The following LRPPRC variants were observed in gnomAD, a reference collection of about 807,000 sequenced individuals.
The protein encoded by LRPPRC is leucine-rich PPR motif-containing protein, mitochondrial.
A neutral mutation model predicts 180.3 loss-of-function variants in LRPPRC; 120 were observed. That is an observed-to-expected ratio of 0.67 (90% CI 0.57 to 0.77). LRPPRC has a LOEUF of 0.77. Ranked by LOEUF, LRPPRC falls within the 30% of genes least tolerant of loss-of-function variation. LRPPRC has a pLI of 0.00. For missense variants in LRPPRC, 2,012 were observed against 1,657.2 expected, an observed-to-expected ratio of 1.21 and a Z score of -3.72; for synonymous variants, 723 against 600.0, an observed-to-expected ratio of 1.21 and a Z score of -3.00.
At chr2:43,964,791 G>T (rs1673486367) in intron 11 of LRPPRC, among the ~76,000 whole-genome samples, 1 of 151,834 alleles carries the variant, frequency 6.6e-6, no homozygotes, top group Non-Finnish European at 1.5e-5. Context: ...CCTAATACTG[G>T]CCTAAAAACA....
chr2:43,900,120 T>C (rs182532447), intron 32 of LRPPRC, among the ~76,000 whole-genome samples: 4 of 152,298 alleles, frequency 2.6e-5, no homozygotes, highest in African/African-American at 7.2e-5. Flanking sequence ...CTCTAACTTA[T>C]GGTCGCCTCA....
intron 30 of LRPPRC, among the ~76,000 whole-genome samples, chr2:43,906,008 A>C (rs1351159270): frequency 6.6e-6 from 1 of 152,226 alleles, no homozygotes; most frequent in Non-Finnish European, 1.5e-5. Context: ...CAACAAAAGA[A>C]ACAAAGTACA....
intron 23 of LRPPRC, among the ~76,000 whole-genome samples, chr2:43,935,867 C>T (rs1672256993): frequency 1.3e-5 from 2 of 152,134 alleles, no homozygotes; most frequent in South Asian, 2.1e-4. Context: ...AATCCCAGCA[C>T]TTTGGGAGGC....
intron 23 of LRPPRC, among the ~76,000 whole-genome samples, chr2:43,941,356 T>C (rs768875043): frequency 6.6e-6 from 1 of 152,194 alleles, no homozygotes; most frequent in African/African-American, 2.4e-5. Context: ...TACAGTGACA[T>C]GCCAAAAAGA....
chr2:43,952,633 A>G (rs751295214), intron 14 of LRPPRC, among the ~76,000 whole-genome samples: 3 of 152,200 alleles, frequency 2.0e-5, no homozygotes, highest in Non-Finnish European at 2.9e-5. Flanking sequence ...CATGCCCCTT[A>G]AAAGTGACCC....
rs1224243316 is a variant in LRPPRC, at chr2:43,979,610, T to TA, written c.469+215dup. ...ATTTTCTTCTTTTTCTTTTTTAACT[T>TA]ACCGTACTTGTAAGTAATACTTGTT... On this transcript the variant is annotated intron_variant, in intron 3 of 37. Transcript: ENST00000260665. Among the ~76,000 whole-genome samples the TA allele has an allele frequency of 2.0e-5, 3 of 152,326 alleles. No individual in the cohort carries two copies. The East Asian group carries it at 5.8e-4, about 29-fold the overall frequency.
intron 30 of LRPPRC, among the ~76,000 whole-genome samples, chr2:43,909,766 G>C (rs1428606046): frequency 6.6e-6 from 1 of 151,952 alleles, no homozygotes; most frequent in Non-Finnish European, 1.5e-5. Context: ...CATTAAATAT[G>C]TATCTTTTTA....
At chr2:43,895,531 A>T (rs1250868195) in intron 35 of LRPPRC, among the ~76,000 whole-genome samples, 1 of 152,206 alleles carries the variant, frequency 6.6e-6, no homozygotes, top group Non-Finnish European at 1.5e-5. Flanking sequence ...CAGATTCCTT[A>T]TACTTTTTAA....
intron 13 of LRPPRC, chr2:43,959,327 C>G: frequency 1.5e-6 from 1 of 645,604 alleles, no homozygotes; most frequent in Non-Finnish European, 2.8e-6. Flanking sequence ...ATTTTTCATA[C>G]TGGACACTTT....
In LRPPRC at chr2:43,894,617, T is replaced by A; in HGVS notation, c.3913A>T (p.Lys1305Ter). ...SRKQGKASTV[K>*]SVLELIPELN... Reference sequence around the variant, plus strand: ...TCAGGAATCAATTCTAACACAGATTTCACAGTTGATGCCTAGGAAATTACA... The same window carrying A: ...TCAGGAATCAATTCTAACACAGATTACACAGTTGATGCCTAGGAAATTACA... The change falls in exon 36 of 38, where the codon AAA (lysine) becomes TAA (stop). Residue 1305 changes from lysine to a stop codon, truncating the protein, a stop_gained. Transcript: ENST00000260665. LOFTEE classifies it high-confidence loss of function. 6.4e-7 allele frequency: 1 copy of A among 1,550,676 alleles called. No homozygotes were observed. The highest frequency in any genetic ancestry group is 8.9e-7 in the Non-Finnish European group (1 of 1,122,488).
intron 29 of LRPPRC, 62 bp from the exon 30 acceptor site, chr2:43,912,620 A>G: frequency 4.8e-6 from 7 of 1,473,010 alleles, no homozygotes; most frequent in Non-Finnish European, 6.6e-6. Flanking sequence ...AAAAGGATGG[A>G]AAAAATCCTG....
At chr2:43,969,284 C>T (rs1222967491) in intron 11 of LRPPRC, among the ~76,000 whole-genome samples, 6 of 151,898 alleles carry the variant, frequency 4.0e-5, no homozygotes, top group South Asian at 2.1e-4. Flanking sequence ...TGGTGGCGGG[C>T]GCCTGTAGTC....
chr2:43,937,155 T>C (rs2105065026), intron 23 of LRPPRC, among the ~76,000 whole-genome samples: 1 of 152,328 alleles, frequency 6.6e-6, no homozygotes, highest in East Asian at 1.9e-4. Flanking sequence ...ACGTTAATAG[T>C]CTTTGGTCTC....
intron 12 of LRPPRC, among the ~76,000 whole-genome samples, chr2:43,961,675 A>C (rs1673352363): frequency 6.6e-6 from 1 of 152,234 alleles, no homozygotes; most frequent in Admixed American, 6.5e-5. Flanking sequence ...AAAAGGCATT[A>C]TCAGGTAGGG....
intron 31 of LRPPRC, chr2:43,904,715 A>C (rs200842188): frequency 0.08 from 12,014 of 149,318 alleles, 741 homozygotes; most frequent in South Asian, 0.14. Flanking sequence ...AACAAAAAAA[A>C]AAAACAAAAC....
intron 23 of LRPPRC, among the ~76,000 whole-genome samples, chr2:43,935,274 G>A (rs184111469): frequency 1.3e-5 from 2 of 152,262 alleles, no homozygotes; most frequent in East Asian, 1.9e-4. Context: ...AATCACTTAC[G>A]TGCCTTTAAC....
intron 1 of LRPPRC, among the ~76,000 whole-genome samples, chr2:43,993,537 A>T (rs889063772): frequency 6.6e-6 from 1 of 152,272 alleles, no homozygotes; most frequent in African/African-American, 2.4e-5. Flanking sequence ...TTCTAGAGTA[A>T]ACAGAGTTCC....
At position 43,960,811 on chromosome 2, in the gene LRPPRC, G is replaced by A. The variant is rs112866656; in HGVS notation, c.1489-177C>T. ...TAAAGATGACATTTCAGCATTCTAA[G>A]TTAAATGCTTATCTTCAAATACAGA... On this transcript the variant is annotated intron_variant, in intron 12 of 37. Transcript: ENST00000260665. Among the ~76,000 whole-genome samples the A allele has an allele frequency of 7.6e-3, 1,153 of 152,292 alleles. 14 individuals are homozygous for A. Among genetic ancestry groups the A allele is most frequent in the African/African-American group, 0.026 (1,084 of 41,560 alleles).
At position 43,894,621 on chromosome 2, in the gene LRPPRC, A is replaced by G; in HGVS notation, c.3909T>C (p.Thr1303=). Residue 1303 remains threonine (T), a synonymous_variant, in exon 36 of 38, where the codon ACT becomes ACC. Coordinates refer to ENST00000260665, the MANE Select transcript of LRPPRC (RefSeq NM_133259.4). The part of the protein sequence containing the change: ...RNSRKQGKAS[T]VKSVLELIPE... Reference sequence around the variant, plus strand: ...GAATCAATTCTAACACAGATTTCACAGTTGATGCCTAGGAAATTACATAAA... The same window carrying G: ...GAATCAATTCTAACACAGATTTCACGGTTGATGCCTAGGAAATTACATAAA... 2 of 1,540,816 alleles carry G rather than the reference A, an allele frequency of 1.3e-6. No homozygotes were observed. The highest frequency in any genetic ancestry group is 9.0e-7 in the Non-Finnish European group (1 of 1,113,516).
Sources: allele counts gnomAD v4.1 joint callset (sites outside exome capture counted in the v4.1 genomes callset), GRCh38; gene constraint gnomAD v4.1.1; transcripts MANE v1.5; gene names NCBI Gene and HGNC (gene_info 2026-07-23, HGNC 2026-07-21).